The following HOMER2 variants were observed in gnomAD, a reference collection of about 807,000 sequenced individuals.
The protein encoded by HOMER2 is homer scaffold protein 2.
HOMER2 carries 27 observed loss-of-function variants against 47.0 expected under a neutral mutation model. That is an observed-to-expected ratio of 0.57 (90% CI 0.42 to 0.79). The LOEUF is 0.79. Among genes scored for constraint, HOMER2 ranks in the 30% least tolerant of loss-of-function variants. HOMER2 has a pLI of 0.00. For synonymous variants in HOMER2, 161 were observed against 163.8 expected (o/e 0.98, Z 0.13); for missense variants, 443 against 435.0 (o/e 1.02, Z -0.16).
intron 1 of HOMER2, among the ~76,000 whole-genome samples, chr15:82,941,300 C>T (rs781033335): frequency 6.6e-6 from 1 of 151,572 alleles, no homozygotes; most frequent in Non-Finnish European, 1.5e-5. Flanking sequence ...AAAAATTAGC[C>T]GGTTGTGGTG....
At chr15:82,839,076 T>C (rs1031778700) in exon 2 of HOMER2, 2 of 150,024 alleles carry the variant, frequency 1.3e-5, no homozygotes, top group African/African-American at 4.9e-5. Flanking sequence ...CTGGAAAACA[T>C]GGCGGGACTC....
chr15:82,919,751 G>GTA (rs1439636759), intron 1 of HOMER2, among the ~76,000 whole-genome samples: 1 of 152,166 alleles, frequency 6.6e-6, no homozygotes, highest in Non-Finnish European at 1.5e-5. Flanking sequence ...AGTTCTTTCT[G>GTA]TACAGTTCCA....
chr15:82,953,636 G>A (rs1417929698), upstream of HOMER2, among the ~76,000 whole-genome samples: 1 of 152,180 alleles, frequency 6.6e-6, no homozygotes, highest in Non-Finnish European at 1.5e-5. Flanking sequence ...CACTTTGGGA[G>A]GCCGAGGCGG....
At position 82,873,146 on chromosome 15, in the gene HOMER2, C is replaced by T. The variant is rs141375804; in HGVS notation, c.294+2127G>A. ...CACATACTCCTGCTCTCCACAGCCACCCTGACTCCCGGCCCTGCTGAGCAT... is the reference window on the plus strand; with the variant it reads ...CACATACTCCTGCTCTCCACAGCCATCCTGACTCCCGGCCCTGCTGAGCAT... On this transcript the variant is annotated intron_variant, in intron 3 of 8. Coordinates refer to ENST00000450735, the MANE Select transcript of HOMER2 (RefSeq NM_004839.4). Among the ~76,000 whole-genome samples, 187 of 152,308 alleles carry T rather than the reference C, an allele frequency of 1.2e-3. 3 individuals are homozygous for T. Among genetic ancestry groups the T allele is most frequent in the Admixed American group, 9.8e-3 (150 of 15,310 alleles).
intron 1 of HOMER2, among the ~76,000 whole-genome samples, chr15:82,899,733 G>A (rs2053048568): frequency 6.6e-6 from 1 of 152,118 alleles, no homozygotes; most frequent in Admixed American, 6.6e-5. Context: ...AAATATAACA[G>A]ATTGTCTGGC....
intron 4 of HOMER2, 157 bp from the exon 5 acceptor site, chr15:82,859,292 T>A: frequency 5.5e-6 from 5 of 914,990 alleles, no homozygotes; most frequent in South Asian, 1.8e-5. Flanking sequence ...CAGCAAAGAC[T>A]AACAAGTTTT....
At chr15:82,882,837 G>C (rs59707754) in intron 2 of HOMER2, among the ~76,000 whole-genome samples, 2 of 108,420 alleles carry the variant, frequency 1.8e-5, no homozygotes, top group Non-Finnish European at 3.6e-5. Context: ...ATCTGATGTG[G>C]CGTTTGCTCA....
chr15:82,865,257 AAACACGAGGTCCAGCAGGGATGC>A (rs1401567603), intron 3 of HOMER2, among the ~76,000 whole-genome samples: 4 of 152,212 alleles, frequency 2.6e-5, no homozygotes, highest in Admixed American at 6.5e-5. Context: ...CTGTTGCTTA[AAACACGAGGTCCAGCAGGGATGC>A]ACAAAGCCTC....
chr15:82,942,446 C>A (rs1271598296), intron 1 of HOMER2, among the ~76,000 whole-genome samples: 1 of 152,188 alleles, frequency 6.6e-6, no homozygotes, highest in South Asian at 2.1e-4. Context: ...GTCCACATGG[C>A]CCCTGGTACA....
upstream of HOMER2, among the ~76,000 whole-genome samples, chr15:82,957,282 A>C (rs1159668955): frequency 6.6e-6 from 1 of 151,694 alleles, no homozygotes; most frequent in Non-Finnish European, 1.5e-5. Context: ...TCCGTCTCAA[A>C]AAAAAAAAAA....
At chr15:82,984,916 A>C (rs2030538768) in intron 1 of HOMER2, among the ~76,000 whole-genome samples, 1 of 152,212 alleles carries the variant, frequency 6.6e-6, no homozygotes, top group South Asian at 2.1e-4. Context: ...TAATAGGGGG[A>C]AAGACTTGCA....
intron 6 of HOMER2, among the ~76,000 whole-genome samples, chr15:82,853,927 T>G (rs1174669801): frequency 2.0e-5 from 3 of 152,124 alleles, no homozygotes. Flanking sequence ...AAGCAGGACT[T>G]CCAAGCAGGC....
chr15:82,864,290 T>C, intron 3 of HOMER2, 31 bp from the exon 4 acceptor site: 1 of 1,489,814 alleles, frequency 6.7e-7, no homozygotes. Flanking sequence ...TTAAGGCTTT[T>C]ATTAACCTCA....
Position 82,868,739 on chromosome 15 carries a change from C to T in HOMER2, c.295-4480G>A, listed in dbSNP as rs1177539620. 2.0e-5 allele frequency among the ~76,000 whole-genome samples: 3 copies of T among 150,498 alleles called. No homozygotes were observed. In the South Asian group the frequency reaches 6.3e-4, roughly 32 times the overall value. On this transcript the variant is annotated intron_variant, in intron 3 of 8. Transcript: ENST00000450735. ...GCTAATTTTGTATTTTTAGTAGAGA[C>T]GGGGCTTCACCATGTTGGCCAGGCT...
chr15:82,952,923 T>C (rs1056249300), upstream of HOMER2, among the ~76,000 whole-genome samples: 1 of 152,002 alleles, frequency 6.6e-6, no homozygotes, highest in African/African-American at 2.4e-5. Context: ...CAGTCCTCGG[T>C]GCCGGCCCCG....
At chr15:82,911,943 T>C (rs943811887) in intron 1 of HOMER2, among the ~76,000 whole-genome samples, 2 of 152,018 alleles carry the variant, frequency 1.3e-5, no homozygotes, top group South Asian at 4.1e-4. Context: ...GGCAGGAGAA[T>C]TGCTTGAACC....
intron 2 of HOMER2, among the ~76,000 whole-genome samples, chr15:82,882,376 C>T (rs2052548747): frequency 6.6e-6 from 1 of 152,208 alleles, no homozygotes; most frequent in Non-Finnish European, 1.5e-5. Flanking sequence ...GGTGCTAGGA[C>T]TCCAAAGATG....
intron 3 of HOMER2, among the ~76,000 whole-genome samples, chr15:82,865,251 T>C (rs549807043): frequency 6.6e-6 from 1 of 152,346 alleles, no homozygotes; most frequent in East Asian, 1.9e-4. Context: ...CATTACCTGT[T>C]GCTTAAAACA....
At chr15:82,909,563 CAAGGATGACT>C (rs925452988) in intron 1 of HOMER2, among the ~76,000 whole-genome samples, 38 of 151,936 alleles carry the variant, frequency 2.5e-4, no homozygotes, top group African/African-American at 8.9e-4. Flanking sequence ...AGCAGGTGAC[CAAGGATGACT>C]AAGGTCAGAG....
Sources: gnomAD v4.1 joint callset for allele counts (sites outside exome capture counted in the v4.1 genomes callset) on GRCh38, gnomAD v4.1.1 for gene constraint, MANE v1.5 for transcripts, NCBI Gene and HGNC (gene_info 2026-07-23, HGNC 2026-07-21) for gene names.